The following GCLC variants were observed in gnomAD, a reference collection of about 807,000 sequenced individuals.
GCLC encodes glutamate-cysteine ligase catalytic subunit.
Under a neutral mutation model 81.5 loss-of-function variants are expected in GCLC, and 30 were observed. The observed-to-expected ratio is 0.37, with a 90% confidence interval of 0.28 to 0.50. The LOEUF (loss-of-function observed/expected upper bound fraction) is 0.50, where lower values mean the gene tolerates loss of function less well. GCLC is among the 20% of genes least tolerant of loss of function. The pLI is 0.96. For synonymous variants in GCLC, 262 were observed against 273.3 expected (o/e 0.96, Z 0.41); for missense variants, 556 against 777.4 (o/e 0.72, Z 3.39).
At chr6:53,501,525 T>C (rs946088124) in intron 12 of GCLC, among the ~76,000 whole-genome samples, 6 of 152,260 alleles carry the variant, frequency 3.9e-5, no homozygotes, top group African/African-American at 1.4e-4. Context: ...TTTTCTATAA[T>C]GAAATCTTAT....
At chr6:53,507,988 T>C (rs147039153) in intron 8 of GCLC, among the ~76,000 whole-genome samples, 169 of 152,322 alleles carry the variant, frequency 1.1e-3, no homozygotes, top group Non-Finnish European at 2.2e-3. Flanking sequence ...CAACAATTTA[T>C]GAACAATTAC....
Position 53,500,331 on chromosome 6 carries a change from A to G in GCLC, c.1497T>C (p.Asp499=), listed in dbSNP as rs766950722. 2 of 1,614,184 alleles carry G rather than the reference A, an allele frequency of 1.2e-6. No homozygotes were observed. Among genetic ancestry groups the G allele is most frequent in the Admixed American group, 3.3e-5 (2 of 60,026 alleles). ...TGCTGTTCTGGGCCTTGCCACAACCATCCACCACTGCATTGCCACCTGCCG... is the reference window on the plus strand; with the variant it reads ...TGCTGTTCTGGGCCTTGCCACAACCGTCCACCACTGCATTGCCACCTGCCG... The part of the protein sequence containing the change: ...DICKGGNAVV[D]GCGKAQNSTE... The change falls in exon 14 of 16, where the codon GAT becomes GAC. Residue 499 remains aspartate (D), a synonymous_variant. Transcript: ENST00000650454.
intron 1 of GCLC, among the ~76,000 whole-genome samples, chr6:53,540,537 G>A (rs1763334624): frequency 6.6e-6 from 1 of 152,102 alleles, no homozygotes. Flanking sequence ...GCTAATCGGT[G>A]AGCATGGTTT....
At chr6:53,544,342 G>A (rs1763408846) in intron 1 of GCLC, among the ~76,000 whole-genome samples, 154 bp downstream of exon 1, 1 of 152,208 alleles carries the variant, frequency 6.6e-6, no homozygotes, top group African/African-American at 2.4e-5. Flanking sequence ...GGCGAAAGCA[G>A]GGACGATGCT....
At chr6:53,537,995 T>C (rs1205594656) in intron 1 of GCLC, among the ~76,000 whole-genome samples, 2 of 152,144 alleles carry the variant, frequency 1.3e-5, no homozygotes, top group Non-Finnish European at 2.9e-5. Context: ...AGTAAGCAAC[T>C]TGCCCAAAGC....
At chr6:53,500,996 A>T in intron 12 of GCLC, 1 of 198,754 alleles carries the variant, frequency 5.0e-6, no homozygotes, top group Non-Finnish European at 1.0e-5. Context: ...TCTCACCCCA[A>T]CCTCTGTCTC....
chr6:53,505,985 GCT>G, intron 10 of GCLC, 90 bp from the exon 11 acceptor site: 1 of 792,424 alleles, frequency 1.3e-6, no homozygotes, highest in African/African-American at 1.7e-5. Flanking sequence ...GAAGAAGACT[GCT>G]CACTGTCCAT....
chr6:53,506,035 G>A lies in GCLC; in HGVS notation c.1198-140C>T. 1 of 692,116 alleles carries A rather than the reference G, an allele frequency of 1.4e-6. No individual in the cohort carries two copies. The highest frequency in any genetic ancestry group is 2.8e-5 in the East Asian group (1 of 36,354). The allele number at this position is 692,116 out of a possible 1,614,324, so 42.9% of individuals were successfully genotyped here. A position where few individuals can be genotyped will look rare whatever the true frequency, so the allele number is the denominator to read the frequency against. Reference sequence around the variant, plus strand: ...TTGACAAAGACAAAAAGGTACAATTGAAGATTTTCTTCGAGTGTGCTCTTT... The same window carrying A: ...TTGACAAAGACAAAAAGGTACAATTAAAGATTTTCTTCGAGTGTGCTCTTT... On this transcript the variant is annotated intron_variant, in intron 10 of 15. Transcript: ENST00000650454. The surrounding 1 kb of genome is among the most constrained non-coding windows in gnomAD (Gnocchi z 4.0).
At chr6:53,500,862 T>G in intron 12 of GCLC, 1 of 368,944 alleles carries the variant, frequency 2.7e-6, no homozygotes, top group South Asian at 2.3e-5. Flanking sequence ...TATATAGCAG[T>G]GTCTCACCAG....
rs746395020 is a variant in GCLC at position 53,522,512 on chromosome 6, C to G, written c.166G>C (p.Val56Leu). Residue 56 changes from valine (V) to leucine (L), a missense_variant, in exon 2 of 16, where the codon GTA becomes CTA. Transcript: ENST00000650454. Reference sequence around the variant, plus strand: ...TTTTTATTTTCATGATCAAAAGATACCAACATGTATTCCACCTATTGAAAA... The same window carrying G: ...TTTTTATTTTCATGATCAAAAGATAGCAACATGTATTCCACCTATTGAAAA... The part of the protein sequence containing the change: ...KWGDEVEYML[V>L]SFDHENKKVR... 5.6e-6 allele frequency: 9 copies of G among 1,600,214 alleles called. No individual in the cohort carries two copies. The highest frequency in any genetic ancestry group is 7.7e-6 in the Non-Finnish European group (9 of 1,167,594).
At chr6:53,533,500 T>C (rs189182301) in intron 1 of GCLC, among the ~76,000 whole-genome samples, 1 of 152,296 alleles carries the variant, frequency 6.6e-6, no homozygotes, top group East Asian at 1.9e-4. Context: ...AGGAAATTAA[T>C]TAAGATTACT....
chr6:53,511,208 G>GGC (rs1368292785), intron 6 of GCLC, among the ~76,000 whole-genome samples: 2 of 146,370 alleles, frequency 1.4e-5, no homozygotes, highest in Non-Finnish European at 3.0e-5. Context: ...AAGTGGGGGG[G>GGC]GGGTGCTAAA....
intron 8 of GCLC, 38 bp downstream of exon 8, chr6:53,508,557 T>C (rs747912545): frequency 8.3e-7 from 1 of 1,201,026 alleles, no homozygotes; most frequent in Admixed American, 1.7e-5. Flanking sequence ...TTTTACCTGC[T>C]TGACTTAAAA....
chr6:53,505,264 T>A, intron 12 of GCLC, 128 bp downstream of exon 12: 1 of 684,376 alleles, frequency 1.5e-6, no homozygotes, highest in South Asian at 1.6e-5. Context: ...ATAGGGCTGA[T>A]GGAGAAACAT....
rs181768462 is a variant in GCLC, at chr6:53,506,157, C to T, written c.1198-262G>A. 5 of 420,136 alleles carry T rather than the reference C, an allele frequency of 1.2e-5. No homozygotes were observed. The highest frequency in any genetic ancestry group is 7.5e-4 in the Middle Eastern group (1 of 1,330). The allele number at this position is 420,136 out of a possible 1,614,324, so 26.0% of individuals were successfully genotyped here. Reference sequence around the variant, plus strand: ...GCTCCTACTCCCTATCTCCCAGCTACAGAGCAGCATCTGAAGAGCCACGGG... The same window carrying T: ...GCTCCTACTCCCTATCTCCCAGCTATAGAGCAGCATCTGAAGAGCCACGGG... On this transcript the variant is annotated intron_variant, in intron 10 of 15. Transcript: ENST00000650454. This position sits in a 1 kb window ranked among gnomAD's most constrained non-coding sequence, Gnocchi z 4.0.
At chr6:53,527,205 A>G (rs1037607942) in intron 1 of GCLC, among the ~76,000 whole-genome samples, 12 of 152,162 alleles carry the variant, frequency 7.9e-5, no homozygotes, top group African/African-American at 2.9e-4. Flanking sequence ...GCTCCCCAGG[A>G]CCTAGTCCAG....
intron 12 of GCLC, chr6:53,501,083 A>T (rs922412111): frequency 3.5e-5 from 6 of 169,034 alleles, no homozygotes; most frequent in Non-Finnish European, 7.7e-5. Flanking sequence ...CACTCGGCTA[A>T]TTTTTTTGTA....
intron 9 of GCLC, 42 bp from the exon 10 acceptor site, chr6:53,507,067 G>A: frequency 9.6e-7 from 1 of 1,043,506 alleles, no homozygotes. Context: ...CAAAGCGAGA[G>A]ATACCACTTC....
At chr6:53,509,547 A>G (rs1451985549) in intron 6 of GCLC, 1 of 485,412 alleles carries the variant, frequency 2.1e-6, no homozygotes, top group Non-Finnish European at 3.7e-6. Context: ...GATGATGTTT[A>G]GCAAAGCATT....
Sources: allele counts gnomAD v4.1 joint callset (sites outside exome capture counted in the v4.1 genomes callset), GRCh38; gene constraint gnomAD v4.1.1; non-coding constraint Gnocchi (gnomAD v3.1); transcripts MANE v1.5; gene names NCBI Gene and HGNC (gene_info 2026-07-23, HGNC 2026-07-21).